The following PRKN variants were observed in gnomAD, a reference collection of about 807,000 sequenced individuals.
PRKN encodes the protein parkin RBR E3 ubiquitin protein ligase, also known as E3 ubiquitin-protein ligase parkin.
PRKN carries 56 observed loss-of-function variants against 59.5 expected under a neutral mutation model. The observed-to-expected ratio is 0.94, with a 90% CI of 0.76 to 1.18. The LOEUF (loss-of-function observed/expected upper bound fraction) is 1.18. PRKN is among the 50% of genes most tolerant of loss of function. The pLI is 0.00. For synonymous variants in PRKN, 250 were observed against 222.1 expected (o/e 1.13, Z -1.12); for missense variants, 657 against 596.4 (o/e 1.10, Z -1.06).
rs565144316 is a variant in PRKN, at chr6:162,059,129, C to G, written c.535-4955G>C. On this transcript the variant is annotated intron_variant, in intron 4 of 11. Coordinates refer to ENST00000366898, the MANE Select transcript of PRKN (RefSeq NM_004562.3). ...TTTTCATATTTAAATTTTTACTGCC[C>G]TAATAGCAACTAAAATATTTATGGA... is the stretch of plus-strand genomic sequence containing the variant. Among the ~76,000 whole-genome samples the G allele has an allele frequency of 1.4e-4, 21 of 152,100 alleles. No individual in the cohort carries two copies. In the South Asian group the frequency reaches 1.7e-3, roughly 12 times the overall value.
intron 1 of PRKN, among the ~76,000 whole-genome samples, chr6:162,539,781 A>G (rs1778853677): frequency 6.6e-6 from 1 of 152,214 alleles, no homozygotes; most frequent in Non-Finnish European, 1.5e-5. Context: ...GCTGATTAGT[A>G]AACTCTCAAA....
intron 1 of PRKN, among the ~76,000 whole-genome samples, chr6:162,688,199 T>TA (rs1562498029): frequency 6.6e-6 from 1 of 152,108 alleles, no homozygotes; most frequent in African/African-American, 2.4e-5. Flanking sequence ...AAAACAGACA[T>TA]AAAACATAAT....
At chr6:161,878,495 A>T (rs1794816820) in intron 6 of PRKN, among the ~76,000 whole-genome samples, 1 of 152,230 alleles carries the variant, frequency 6.6e-6, no homozygotes, top group Non-Finnish European at 1.5e-5. Context: ...CACAGTACGA[A>T]TTATTTTGTG....
intron 5 of PRKN, among the ~76,000 whole-genome samples, chr6:161,977,550 T>C (rs868530544): frequency 7.0e-6 from 1 of 143,628 alleles, no homozygotes. Context: ...TGGTTTTTTT[T>C]TTTTTTTTTT....
intron 3 of PRKN, among the ~76,000 whole-genome samples, chr6:162,207,627 C>G (rs1785007772): frequency 6.6e-6 from 1 of 152,144 alleles, no homozygotes. Context: ...GAGTGGACCA[C>G]TCTCTTCAGT....
At chr6:162,090,236 A>G (rs1285735722) in intron 4 of PRKN, among the ~76,000 whole-genome samples, 2 of 152,152 alleles carry the variant, frequency 1.3e-5, no homozygotes, top group African/African-American at 2.4e-5. Context: ...TAGGCTTCAC[A>G]TACTTTTAAT....
At chr6:162,121,176 G>A (rs1780897669) in intron 4 of PRKN, among the ~76,000 whole-genome samples, 1 of 152,172 alleles carries the variant, frequency 6.6e-6, no homozygotes, top group Non-Finnish European at 1.5e-5. Context: ...TTGCAGAAAT[G>A]TTGATCATGC....
chr6:161,648,288 A>T (rs1784032166), intron 7 of PRKN, among the ~76,000 whole-genome samples: 1 of 152,226 alleles, frequency 6.6e-6, no homozygotes, highest in Non-Finnish European at 1.5e-5. Flanking sequence ...TCAACAGCTC[A>T]GTAGTATGTA....
intron 6 of PRKN, among the ~76,000 whole-genome samples, chr6:161,828,118 C>T (rs900419808): frequency 6.6e-6 from 1 of 152,042 alleles, no homozygotes; most frequent in African/African-American, 2.4e-5. Context: ...AGAAAGATTC[C>T]CTTTCAATCA....
Position 161,772,895 on chromosome 6 carries a change from G to C in PRKN, c.871+12877C>G, listed in dbSNP as rs76170103. Among the ~76,000 whole-genome samples, 1,067 of 152,220 alleles carry C rather than the reference G, an allele frequency of 7.0e-3. 12 individuals are homozygous for C. Among genetic ancestry groups the C allele is most frequent in the African/African-American group, 0.024 (993 of 41,530 alleles). The stretch of plus-strand genomic sequence containing the variant: ...CATATATTCAGAGGTTCAGGACTAG[G>C]AGTATTACTGGAATTTAGATGGTTC... On this transcript the variant is annotated intron_variant, in intron 7 of 11. Coordinates refer to ENST00000366898, the MANE Select transcript of PRKN (RefSeq NM_004562.3).
chr6:162,252,381 C>G (rs1198424135), intron 3 of PRKN, among the ~76,000 whole-genome samples: 1 of 152,164 alleles, frequency 6.6e-6, no homozygotes. Context: ...GTGTTGACTG[C>G]AATGGTTAAG....
At chr6:161,825,735 C>T (rs527336257) in intron 6 of PRKN, among the ~76,000 whole-genome samples, 1 of 152,258 alleles carries the variant, frequency 6.6e-6, no homozygotes, top group African/African-American at 2.4e-5. Context: ...CGGGACACAC[C>T]TTCATCCATA....
intron 9 of PRKN, among the ~76,000 whole-genome samples, chr6:161,450,596 AC>A (rs1428381176): frequency 6.6e-6 from 1 of 151,712 alleles, no homozygotes; most frequent in African/African-American, 2.4e-5. Context: ...TCGCTCTGTC[AC>A]CCAGGCTGGA....
At chr6:162,640,770 C>G (rs74697194) in intron 1 of PRKN, among the ~76,000 whole-genome samples, 1 of 152,156 alleles carries the variant, frequency 6.6e-6, no homozygotes, top group African/African-American at 2.4e-5. Flanking sequence ...CTTGACAATT[C>G]CCTGAAGGGG....
intron 1 of PRKN, among the ~76,000 whole-genome samples, chr6:162,567,380 C>T (rs1164992227): frequency 6.6e-6 from 1 of 152,172 alleles, no homozygotes; most frequent in East Asian, 1.9e-4. Flanking sequence ...CCTTAAGATT[C>T]CACAAGAAAC....
chr6:162,338,682 G>T (rs1475372672), intron 2 of PRKN, among the ~76,000 whole-genome samples: 1 of 152,050 alleles, frequency 6.6e-6, no homozygotes, highest in Non-Finnish European at 1.5e-5. Flanking sequence ...ACCCTGTCTG[G>T]GAAGTGAGGA....
At chr6:161,795,223 C>A in intron 6 of PRKN, among the ~76,000 whole-genome samples, 1 of 50,462 alleles carries the variant, frequency 2.0e-5, no homozygotes, top group African/African-American at 6.1e-5. Flanking sequence ...TTACTGTTTT[C>A]TTTTCTTTTT....
intron 6 of PRKN, among the ~76,000 whole-genome samples, chr6:161,795,156 T>C (rs1428021990): frequency 1.3e-5 from 2 of 151,934 alleles, no homozygotes; most frequent in African/African-American, 4.8e-5. Flanking sequence ...AGTGCTGGGA[T>C]TACAGGCATG....
At chr6:161,898,648 T>C (rs945246092) in intron 6 of PRKN, among the ~76,000 whole-genome samples, 1 of 152,186 alleles carries the variant, frequency 6.6e-6, no homozygotes, top group Non-Finnish European at 1.5e-5. Context: ...GTCATTTTGG[T>C]ACTGGGCGAA....
Sources: gnomAD v4.1 joint callset for allele counts (sites outside exome capture counted in the v4.1 genomes callset) on GRCh38, gnomAD v4.1.1 for gene constraint, MANE v1.5 for transcripts, NCBI Gene and HGNC (gene_info 2026-07-23, HGNC 2026-07-21) for gene names.